Variants in RANBP2 observed in about 807,000 individuals in gnomAD.
The protein encoded by RANBP2 is RAN binding protein 2.
In RANBP2, 57 loss-of-function variants were observed where a neutral mutation model predicts 303.6. That is an observed-to-expected ratio of 0.19 (90% confidence interval 0.15 to 0.23). The LOEUF (loss-of-function observed/expected upper bound fraction) is 0.23, where lower values mean the gene tolerates loss of function less well. RANBP2 is among the 10% of genes least tolerant of loss of function. The probability of loss-of-function intolerance (pLI) is 1.00; values close to 1 mark genes in which losing one functional copy is unlikely to be tolerated. For synonymous variants in RANBP2, 1,167 were observed against 1,301.5 expected, an observed-to-expected ratio of 0.90 and a Z score of 2.23; for missense variants, 3,138 against 3,780.8, an observed-to-expected ratio of 0.83 and a Z score of 4.46.
the RANBP2 span, among the ~76,000 whole-genome samples, chr2:109,488,360 G>A: frequency 6.6e-6 from 1 of 152,200 alleles, no homozygotes; most frequent in Non-Finnish European, 1.5e-5. Flanking sequence ...TCCCCTGGAG[G>A]CAAGGTCACC....
the RANBP2 span, among the ~76,000 whole-genome samples, chr2:109,041,357 A>G: frequency 1.3e-5 from 2 of 152,274 alleles, no homozygotes; most frequent in African/African-American, 4.8e-5. Context: ...ACACTGATAG[A>G]CAACATCCTT....
At chr2:109,149,677 C>T in the RANBP2 span, among the ~76,000 whole-genome samples, 7 of 152,284 alleles carry the variant, frequency 4.6e-5, no homozygotes, top group Admixed American at 2.0e-4. Context: ...GCAGCAGCAA[C>T]GTTGCAGAGA....
the RANBP2 span, among the ~76,000 whole-genome samples, chr2:109,033,860 G>A: frequency 6.6e-6 from 1 of 151,172 alleles, no homozygotes; most frequent in African/African-American, 2.4e-5. Flanking sequence ...GGAGGCTGAG[G>A]CACGAGAATT....
the RANBP2 span, among the ~76,000 whole-genome samples, chr2:109,201,151 G>A: frequency 2.0e-5 from 3 of 152,204 alleles, no homozygotes; most frequent in Non-Finnish European, 2.9e-5. Flanking sequence ...GGCTTCACAC[G>A]TCTTCCTTCC....
the RANBP2 span, among the ~76,000 whole-genome samples, chr2:109,506,136 C>T: frequency 6.6e-6 from 1 of 152,276 alleles, no homozygotes; most frequent in African/African-American, 2.4e-5. Context: ...AGTAGTCTAC[C>T]ACTTGGCCTG....
the RANBP2 span, among the ~76,000 whole-genome samples, chr2:109,152,383 C>T: frequency 6.6e-6 from 1 of 152,158 alleles, no homozygotes; most frequent in South Asian, 2.1e-4. Context: ...CTTTTGTTAG[C>T]TGACATGTAC....
At chr2:108,881,654 G>A in the RANBP2 span, among the ~76,000 whole-genome samples, 59 of 152,280 alleles carry the variant, frequency 3.9e-4, no homozygotes, top group Non-Finnish European at 8.2e-4. Context: ...TGGACACTTA[G>A]AGGGCATTTT....
At chr2:109,566,326 G>C in the RANBP2 span, among the ~76,000 whole-genome samples, 4 of 151,828 alleles carry the variant, frequency 2.6e-5, no homozygotes, top group Non-Finnish European at 4.4e-5. Context: ...TCACCATGTT[G>C]GCCAGGCTTG....
chr2:109,592,450 G>A, the RANBP2 span, among the ~76,000 whole-genome samples: 5 of 151,378 alleles, frequency 3.3e-5, no homozygotes, highest in African/African-American at 1.2e-4. Flanking sequence ...GGGCGACAGA[G>A]CAAAGCTCTG....
At chr2:108,907,813 AG>A in the RANBP2 span, 4 of 1,609,722 alleles carry the variant, frequency 2.5e-6, no homozygotes, top group Non-Finnish European at 3.4e-6. Flanking sequence ...TGCGGCTGTG[AG>A]GGAGCCACAT....
chr2:108,753,333 G>C, intron 13 of RANBP2, 93 bp from the exon 14 acceptor site: 5 of 1,601,490 alleles, frequency 3.1e-6, no homozygotes, highest in Non-Finnish European at 4.3e-6. Context: ...TGAGATGTTT[G>C]TCTCTTAAGA....
chr2:109,596,690 T>G, the RANBP2 span, among the ~76,000 whole-genome samples: 6 of 152,174 alleles, frequency 3.9e-5, no homozygotes, highest in Non-Finnish European at 7.3e-5. Flanking sequence ...AAATATAGGT[T>G]AAATTTCTGT....
At chr2:109,701,471 G>A in the RANBP2 span, among the ~76,000 whole-genome samples, 84 of 152,280 alleles carry the variant, frequency 5.5e-4, no homozygotes, top group African/African-American at 2.0e-3. Context: ...GTCAGGAAGT[G>A]GGGGGCCTCC....
At chr2:109,320,446 G>T in the RANBP2 span, among the ~76,000 whole-genome samples, 1 of 152,106 alleles carries the variant, frequency 6.6e-6, no homozygotes, top group Non-Finnish European at 1.5e-5. Context: ...GCCCATCCTC[G>T]GCAGTGAGCC....
chr2:109,491,708 G>C, the RANBP2 span, among the ~76,000 whole-genome samples: 3 of 152,170 alleles, frequency 2.0e-5, no homozygotes, highest in Non-Finnish European at 2.9e-5. Flanking sequence ...AGAGAGATAC[G>C]ATGGCTGTCA....
At chr2:109,369,967 A>G in the RANBP2 span, among the ~76,000 whole-genome samples, 19,735 of 152,214 alleles carry the variant, frequency 0.13, 1,426 homozygotes, top group Middle Eastern at 0.24. Context: ...GGGCTTCTCC[A>G]TGAGGCCATC....
At chr2:109,159,432 G>A in the RANBP2 span, among the ~76,000 whole-genome samples, 1 of 152,242 alleles carries the variant, frequency 6.6e-6, no homozygotes, top group Admixed American at 6.5e-5. Context: ...CTGTAACGGA[G>A]GCCTCCTGCA....
the RANBP2 span, among the ~76,000 whole-genome samples, chr2:109,303,976 C>T: frequency 6.6e-6 from 1 of 152,032 alleles, no homozygotes; most frequent in Admixed American, 6.6e-5. Context: ...TGGCACTTGC[C>T]TATAATCTCA....
the RANBP2 span, among the ~76,000 whole-genome samples, chr2:109,388,900 G>A: frequency 6.6e-6 from 1 of 152,144 alleles, no homozygotes; most frequent in Non-Finnish European, 1.5e-5. Flanking sequence ...GGCTTTCTAG[G>A]TAATAGAGAT....
Sources: gnomAD v4.1 joint callset for allele counts (sites outside exome capture counted in the v4.1 genomes callset) on GRCh38, gnomAD v4.1.1 for gene constraint, MANE v1.5 for transcripts, NCBI Gene and HGNC (gene_info 2026-07-23, HGNC 2026-07-21) for gene names.